Variants in GRM7 observed in about 807,000 individuals in gnomAD.
GRM7 encodes metabotropic glutamate receptor 7.
A neutral mutation model predicts 84.5 loss-of-function variants in GRM7; 35 were observed. That is an observed-to-expected ratio of 0.41 (90% CI 0.32 to 0.55). The LOEUF is 0.55. Among genes scored for constraint, GRM7 ranks in the 20% least tolerant of loss-of-function variants. GRM7 has a pLI of 0.19. For missense variants in GRM7, 1,003 were observed against 1,194.6 expected (o/e 0.84, Z 2.36); for synonymous variants, 487 against 455.1 (o/e 1.07, Z -0.89).
intron 4 of GRM7, 88 bp downstream of exon 4, chr3:7,306,740 A>G (rs1042718584): frequency 1.7e-6 from 2 of 1,153,794 alleles, no homozygotes; most frequent in African/African-American, 1.6e-5. Context: ...GGGGTTTGGC[A>G]TTTTTACCAA....
Position 7,045,781 on chromosome 3 carries a change from CAG to C in GRM7, c.520-100670_520-100669del, listed in dbSNP as rs1321331016. Reference sequence around the variant, plus strand: ...TGTCATATTTTCATTATTCATCTGTCAGTGGACATTTAGGTTGTTTCTATATT... The same window carrying C: ...TGTCATATTTTCATTATTCATCTGTCTGGACATTTAGGTTGTTTCTATATT... On this transcript the variant is annotated intron_variant, in intron 1 of 9. Transcript: ENST00000357716. Among the ~76,000 whole-genome samples, 15 of 152,154 alleles carry C rather than the reference CAG, an allele frequency of 9.9e-5. No homozygotes were observed. In the East Asian group the frequency reaches 2.7e-3, roughly 27 times the overall value.
rs201451182 is a variant in GRM7 at position 7,146,529 on chromosome 3, G to T, written c.597G>T (p.Val199=). 2.0e-5 allele frequency: 33 copies of T among 1,613,984 alleles called. No individual in the cohort carries two copies. The East Asian group carries it at 6.0e-4, about 29-fold the overall frequency. ...DRRYDFFSRV[V]PPDSFQAQAM... ...GCTATGACTTCTTCTCTCGCGTGGT[G>T]CCACCCGATTCCTTCCAAGCCCAGG... The change falls in exon 2 of 10, where the codon GTG becomes GTT. Residue 199 remains valine (V), a synonymous_variant. Coordinates refer to ENST00000357716, the MANE Select transcript of GRM7 (RefSeq NM_000844.4).
chr3:7,368,639 A>G (rs976237403), intron 4 of GRM7, among the ~76,000 whole-genome samples: 1 of 152,152 alleles, frequency 6.6e-6, no homozygotes, highest in Non-Finnish European at 1.5e-5. Context: ...TTAACAGCAG[A>G]TAAGCCAGAT....
intron 7 of GRM7, among the ~76,000 whole-genome samples, chr3:7,542,105 T>G (rs150253032): frequency 1.0e-3 from 159 of 152,320 alleles, no homozygotes; most frequent in African/African-American, 3.6e-3. Flanking sequence ...GAACCTACCC[T>G]AATGAAGTAT....
At chr3:7,649,172 C>T (rs929462981) in intron 8 of GRM7, among the ~76,000 whole-genome samples, 3 of 151,944 alleles carry the variant, frequency 2.0e-5, no homozygotes, top group Non-Finnish European at 4.4e-5. Context: ...CGGGTTCACG[C>T]CATTCTCCTG....
intron 7 of GRM7, among the ~76,000 whole-genome samples, chr3:7,475,547 A>G (rs191977441): frequency 6.6e-6 from 1 of 152,308 alleles, no homozygotes; most frequent in East Asian, 1.9e-4. Context: ...TTACAATGTC[A>G]GGAGTCTGGG....
At chr3:7,085,740 TG>T (rs746711666) in intron 1 of GRM7, among the ~76,000 whole-genome samples, 10 of 152,034 alleles carry the variant, frequency 6.6e-5, no homozygotes, top group East Asian at 5.8e-4. Context: ...TTAAGCCTTT[TG>T]CTGGTGAAAT....
At chr3:7,385,651 G>T (rs551842850) in intron 4 of GRM7, among the ~76,000 whole-genome samples, 38 of 152,242 alleles carry the variant, frequency 2.5e-4, no homozygotes, top group Non-Finnish European at 4.1e-4. Context: ...GATTTAACTT[G>T]TATAAATTAA....
rs569089283 is a variant in GRM7, at chr3:7,646,334, G to A, written c.2452-33715G>A. On this transcript the variant is annotated intron_variant, in intron 8 of 9. Coordinates refer to ENST00000357716, the MANE Select transcript of GRM7 (RefSeq NM_000844.4). ...AGCCTCCTGAGTAGTTGGGATTACA[G>A]GTGCATGCCACCACACTCGGCTAAT... is the stretch of plus-strand genomic sequence containing the variant. Among the ~76,000 whole-genome samples the A allele has an allele frequency of 3.9e-5, 6 of 152,262 alleles. No homozygotes were observed. In the South Asian group the frequency reaches 1.0e-3, roughly 26 times the overall value.
intron 1 of GRM7, among the ~76,000 whole-genome samples, chr3:7,003,090 G>A (rs1695070447): frequency 6.6e-6 from 1 of 152,142 alleles, no homozygotes; most frequent in Admixed American, 6.5e-5. Flanking sequence ...TGCGGGTTGA[G>A]GGGAAGTGGG....
At chr3:7,428,930 G>C (rs1696718732) in intron 5 of GRM7, among the ~76,000 whole-genome samples, 1 of 152,166 alleles carries the variant, frequency 6.6e-6, no homozygotes. Context: ...TATTTATGAA[G>C]TTTGCAGGTA....
chr3:7,295,862 C>T (rs1208115697), intron 2 of GRM7, among the ~76,000 whole-genome samples: 1 of 151,698 alleles, frequency 6.6e-6, no homozygotes, highest in East Asian at 1.9e-4. Flanking sequence ...GTAAATAGAA[C>T]TGATTTTACT....
At chr3:7,100,147 G>T (rs1402040034) in intron 1 of GRM7, among the ~76,000 whole-genome samples, 2 of 151,182 alleles carry the variant, frequency 1.3e-5, no homozygotes, top group Non-Finnish European at 3.0e-5. Flanking sequence ...TAGAAAAATG[G>T]CACAGAAACA....
intron 2 of GRM7, among the ~76,000 whole-genome samples, chr3:7,205,863 G>A (rs754036114): frequency 1.3e-5 from 2 of 152,176 alleles, no homozygotes; most frequent in Non-Finnish European, 2.9e-5. Context: ...AACCATCTAA[G>A]TGTTAAGTTT....
chr3:7,328,729 A>G (rs902945695), intron 4 of GRM7, among the ~76,000 whole-genome samples: 1 of 152,156 alleles, frequency 6.6e-6, no homozygotes, highest in African/African-American at 2.4e-5. Context: ...TCTTGTAGCT[A>G]AATGCATTCC....
In GRM7 at chr3:7,664,719, A is replaced by G. The variant is rs1028474165; in HGVS notation, c.2452-15330A>G. ...TGTAAGCTAAATAGCTAGAAAATGAATAAAGACAGGTAGTCTCTGCTCTAC... is the reference window on the plus strand; with the variant it reads ...TGTAAGCTAAATAGCTAGAAAATGAGTAAAGACAGGTAGTCTCTGCTCTAC... On this transcript the variant is annotated intron_variant, in intron 8 of 9. Transcript: ENST00000357716. 2.0e-5 allele frequency among the ~76,000 whole-genome samples: 3 copies of G among 152,302 alleles called. No individual in the cohort carries two copies. The South Asian group carries it at 6.2e-4, about 32-fold the overall frequency.
At position 7,588,818 on chromosome 3, in the gene GRM7, C is replaced by T. The variant is rs3804889; in HGVS notation, c.2451+9461C>T. 0.016 allele frequency among the ~76,000 whole-genome samples: 2,463 copies of T among 152,234 alleles called. 166 individuals carry two copies. In the East Asian group the frequency reaches 0.2, roughly 12 times the overall value. On this transcript the variant is annotated intron_variant, in intron 8 of 9. Transcript: ENST00000357716. ...ATCCCATTTTCCTTCTCATATTGCA[C>T]GCTCTTCGTCCTCACTTTCAACTGA...
At chr3:7,730,286 G>A (rs917725806) in intron 9 of GRM7, among the ~76,000 whole-genome samples, 1 of 152,190 alleles carries the variant, frequency 6.6e-6, no homozygotes, top group African/African-American at 2.4e-5. Flanking sequence ...GATTACAAGC[G>A]TGAGCCACTG....
At chr3:7,510,982 T>A (rs1218559045) in intron 7 of GRM7, among the ~76,000 whole-genome samples, 1 of 152,196 alleles carries the variant, frequency 6.6e-6, no homozygotes, top group African/African-American at 2.4e-5. Context: ...ATTTAGCACA[T>A]GGACTCCAAC....
Sources: gnomAD v4.1 joint callset for allele counts (sites outside exome capture counted in the v4.1 genomes callset) on GRCh38, gnomAD v4.1.1 for gene constraint, MANE v1.5 for transcripts, NCBI Gene and HGNC (gene_info 2026-07-23, HGNC 2026-07-21) for gene names.